The following TRAT1 variants were observed in gnomAD, a reference collection of about 807,000 sequenced individuals.
TRAT1 encodes the protein T cell receptor associated transmembrane adaptor 1, also known as T-cell receptor-associated transmembrane adapter 1.
Under a neutral mutation model 20.0 loss-of-function variants are expected in TRAT1, and 20 were observed. That is an observed-to-expected ratio of 1.00 (90% CI 0.70 to 1.45). The LOEUF (loss-of-function observed/expected upper bound fraction) is 1.45, where lower values mean the gene tolerates loss of function less well. TRAT1 is among the 40% of genes most tolerant of loss of function. TRAT1 has a pLI of 0.00. For missense variants in TRAT1, 237 were observed against 224.1 expected, an observed-to-expected ratio of 1.06 and a Z score of -0.37; for synonymous variants, 77 against 74.2, an observed-to-expected ratio of 1.04 and a Z score of -0.20.
intron 1 of TRAT1, among the ~76,000 whole-genome samples, chr3:108,823,995 C>T (rs2107504320): frequency 1.3e-5 from 2 of 152,180 alleles, no homozygotes; most frequent in Middle Eastern, 3.4e-3. Flanking sequence ...CCTCAACCTC[C>T]TGAGTATCTG....
intron 1 of TRAT1, among the ~76,000 whole-genome samples, chr3:108,826,676 T>A (rs1576517005): frequency 6.6e-6 from 1 of 152,246 alleles, no homozygotes; most frequent in East Asian, 1.9e-4. Flanking sequence ...GTGCCTAAAA[T>A]AAATATACAC....
intron 5 of TRAT1, among the ~76,000 whole-genome samples, chr3:108,850,263 T>A (rs1945986281): frequency 6.6e-6 from 1 of 152,094 alleles, no homozygotes; most frequent in Admixed American, 6.6e-5. Context: ...AGAATTTTAC[T>A]CTTTTTCTTT....
intron 2 of TRAT1, among the ~76,000 whole-genome samples, chr3:108,831,186 T>A (rs2107507566): frequency 6.6e-6 from 1 of 152,266 alleles, no homozygotes; most frequent in East Asian, 1.9e-4. Context: ...TCAGGATCAG[T>A]CAGGCATTCT....
intron 2 of TRAT1, among the ~76,000 whole-genome samples, chr3:108,833,297 A>G (rs550479152): frequency 6.6e-6 from 1 of 152,190 alleles, no homozygotes; most frequent in Admixed American, 6.5e-5. Flanking sequence ...GCATGCCTGT[A>G]ATCCCAGCTA....
intron 5 of TRAT1, 92 bp from the exon 6 acceptor site, chr3:108,853,528 C>T: frequency 6.8e-7 from 1 of 1,472,628 alleles, no homozygotes; most frequent in South Asian, 1.4e-5. Flanking sequence ...GCCTAGAAAA[C>T]AAGTTACTTG....
chr3:108,843,476 G>A (rs1945913605), intron 3 of TRAT1, among the ~76,000 whole-genome samples: 1 of 152,136 alleles, frequency 6.6e-6, no homozygotes, highest in Non-Finnish European at 1.5e-5. Flanking sequence ...GTTGCAGTGA[G>A]CCAAGATCAC....
At chr3:108,845,048 C>G (rs1184440578) in intron 3 of TRAT1, among the ~76,000 whole-genome samples, 1 of 152,038 alleles carries the variant, frequency 6.6e-6, no homozygotes, top group Non-Finnish European at 1.5e-5. Flanking sequence ...GTACACTAGC[C>G]TCTCAGATAT....
intron 3 of TRAT1, among the ~76,000 whole-genome samples, chr3:108,841,062 CTTTATCCCTGA>C (rs1945892380): frequency 6.6e-6 from 1 of 152,216 alleles, no homozygotes; most frequent in Admixed American, 6.5e-5. Flanking sequence ...GCTGATTCTT[CTTTATCCCTGA>C]AGGTTGCATT....
At chr3:108,830,582 T>C in intron 1 of TRAT1, 88 bp from the exon 2 acceptor site, 2 of 836,240 alleles carry the variant, frequency 2.4e-6, no homozygotes, top group Non-Finnish European at 4.1e-6. Context: ...TATGAATAAA[T>C]GCAACAGCTT....
chr3:108,830,744 T>C lies in TRAT1; in HGVS notation c.82T>C (p.Phe28Leu). The change falls in exon 2 of 6, where the codon TTC becomes CTC. Residue 28 changes from phenylalanine to leucine, a missense_variant. By Grantham distance (22) the Phe-to-Leu change is conservative (BLOSUM62 0). Coordinates refer to ENST00000295756, the MANE Select transcript of TRAT1 (RefSeq NM_016388.4). ...CTTGGCTTTGGTTATATCACTGATC[T>C]TCAATATTTCCCACTATGTGGAAAA... ...LGLALVISLI[F>L]NISHYVEKQR... is the part of the protein sequence containing the mutation. 1 of 1,613,868 alleles carries C rather than the reference T, an allele frequency of 6.2e-7. No homozygotes were observed. The highest frequency in any genetic ancestry group is 8.5e-7 in the Non-Finnish European group (1 of 1,179,768).
chr3:108,847,245 T>C (rs1270729040), intron 4 of TRAT1, 116 bp downstream of exon 4: 6 of 601,058 alleles, frequency 1.0e-5, no homozygotes, highest in Non-Finnish European at 1.4e-5. Flanking sequence ...GTGATAACCA[T>C]CAATTCAAGA....
At chr3:108,827,275 G>A (rs1051711767) in intron 1 of TRAT1, among the ~76,000 whole-genome samples, 1 of 152,034 alleles carries the variant, frequency 6.6e-6, no homozygotes, top group Non-Finnish European at 1.5e-5. Context: ...TGTGCATCCA[G>A]TATTCTAAGA....
intron 5 of TRAT1, among the ~76,000 whole-genome samples, chr3:108,850,306 C>CTTTTT (rs35451422): frequency 6.9e-6 from 1 of 144,740 alleles, no homozygotes; most frequent in Admixed American, 6.9e-5. Context: ...AACTTTTAAA[C>CTTTTT]TTTTTTTTTT....
rs2070202289 is a variant in TRAT1, at chr3:108,854,600, T to A, written c.*723T>A. 1 of 152,170 alleles carries A rather than the reference T, an allele frequency of 6.6e-6. No individual in the cohort carries two copies. The highest frequency in any genetic ancestry group is 1.5e-5 in the Non-Finnish European group (1 of 67,992). 9.4% of individuals were successfully genotyped at this position (152,170 alleles called of 1,614,324 possible). Reference sequence around the variant, plus strand: ...ATGTACATCAGTTGTTTCTTTTTATTTTGAACCAAAAATGTGGTTTCTTTT... The same window carrying A: ...ATGTACATCAGTTGTTTCTTTTTATATTGAACCAAAAATGTGGTTTCTTTT... On this transcript the variant is annotated 3_prime_UTR_variant, in exon 6 of 6. Coordinates refer to ENST00000295756, the MANE Select transcript of TRAT1 (RefSeq NM_016388.4).
intron 3 of TRAT1, among the ~76,000 whole-genome samples, chr3:108,846,227 A>G (rs1040475616): frequency 1.3e-5 from 2 of 152,146 alleles, no homozygotes; most frequent in Non-Finnish European, 2.9e-5. Flanking sequence ...AGCTGCAAAT[A>G]CCTTATATGC....
At chr3:108,851,118 A>C (rs1012267201) in intron 5 of TRAT1, among the ~76,000 whole-genome samples, 7 of 152,230 alleles carry the variant, frequency 4.6e-5, no homozygotes, top group African/African-American at 1.7e-4. Context: ...ATAAAAAAAC[A>C]CTACCTAGTT....
intron 4 of TRAT1, among the ~76,000 whole-genome samples, chr3:108,848,396 G>T (rs1318180259): frequency 6.6e-6 from 1 of 152,196 alleles, no homozygotes; most frequent in Non-Finnish European, 1.5e-5. Context: ...CTCTCTGAGG[G>T]TCAAACTGGT....
intron 4 of TRAT1, among the ~76,000 whole-genome samples, chr3:108,848,293 A>C (rs1373197515): frequency 6.6e-6 from 1 of 152,200 alleles, no homozygotes; most frequent in East Asian, 1.9e-4. Flanking sequence ...ATGATTTGAG[A>C]AACACCACTC....
intron 5 of TRAT1, 124 bp downstream of exon 5, chr3:108,849,378 C>A (rs1945975830): frequency 1.4e-6 from 1 of 715,810 alleles, no homozygotes. Flanking sequence ...GTTCTGGGAC[C>A]TGAGCTCTAA....
Sources: allele counts gnomAD v4.1 joint callset (sites outside exome capture counted in the v4.1 genomes callset), GRCh38; gene constraint gnomAD v4.1.1; transcripts MANE v1.5; gene names NCBI Gene and HGNC (gene_info 2026-07-23, HGNC 2026-07-21).